OPHN1: variants seen among roughly 807,000 people sequenced by gnomAD.
The protein encoded by OPHN1 is oligophrenin-1.
Under a neutral mutation model 60.7 loss-of-function variants are expected in OPHN1, and 11 were observed. That is an observed-to-expected ratio of 0.18 (90% CI 0.11 to 0.30). The LOEUF is 0.30. OPHN1 is among the 10% of genes least tolerant of loss of function. The pLI, the probability that OPHN1 is intolerant of heterozygous loss-of-function variation, is 1.00. For missense variants in OPHN1, 449 were observed against 611.0 expected (o/e 0.73, Z 2.80); for synonymous variants, 226 against 222.6 (o/e 1.02, Z -0.14).
intron 15 of OPHN1, among the ~76,000 whole-genome samples, chrX:68,145,671 C>T (rs2077260850): frequency 9.0e-6 from 1 of 111,578 alleles, no homozygotes; most frequent in African/African-American, 3.3e-5. Flanking sequence ...CAGAGACAAC[C>T]ACTATCATAA....
chrX:68,225,855 A>AAG (rs1305374394), intron 6 of OPHN1, among the ~76,000 whole-genome samples: 1 of 112,466 alleles, frequency 8.9e-6, no homozygotes, highest in African/African-American at 3.2e-5. Context: ...CCAGCAATGG[A>AAG]AGAAAGCTGC....
chrX:68,145,650 C>T (rs2077260792), intron 15 of OPHN1, among the ~76,000 whole-genome samples: 1 of 111,780 alleles, frequency 8.9e-6, no homozygotes, highest in South Asian at 3.8e-4. Context: ...GGACCCACAT[C>T]CTTCCCTCTC....
chrX:68,136,597 T>G (rs970580226), intron 15 of OPHN1, among the ~76,000 whole-genome samples: 5 of 111,302 alleles, frequency 4.5e-5, no homozygotes, highest in Admixed American at 2.9e-4. Flanking sequence ...GCCACCGCGC[T>G]TGGCCTAGTG....
chrX:68,256,890 G>T lies in OPHN1; in HGVS notation c.384+17848C>A, dbSNP rs1172838293. On this transcript the variant is annotated intron_variant, in intron 5 of 24. Transcript: ENST00000355520. ...CTACTAAAATTACAAAAATTAGCTG[G>T]GTGTGGTGGCACACTCCTGTAATCC... Among the ~76,000 whole-genome samples, 4 of 109,826 alleles carry T rather than the reference G, an allele frequency of 3.6e-5. No homozygotes were observed. The East Asian group carries it at 8.6e-4, about 24-fold the overall frequency.
chrX:68,061,362 G>A lies in OPHN1; in HGVS notation c.2158+2492C>T, dbSNP rs536915714. 1.6e-4 allele frequency among the ~76,000 whole-genome samples: 18 copies of A among 111,029 alleles called. No homozygotes were observed. In the South Asian group the frequency reaches 6.9e-3, roughly 43 times the overall value. On this transcript the variant is annotated intron_variant, in intron 21 of 24. Transcript: ENST00000355520. ...TTGAACTTTGCAGGAGGGAGGGAAG[G>A]AGGGCTGAGTTACTGTGTGCGCTGA...
At chrX:68,216,141 T>C (rs770766154) in intron 6 of OPHN1, among the ~76,000 whole-genome samples, 1 of 111,287 alleles carries the variant, frequency 9.0e-6, no homozygotes, top group East Asian at 2.8e-4. Flanking sequence ...GTACAACCCA[T>C]AACTACGTTA....
chrX:68,121,522 G>A (rs1411834525), intron 15 of OPHN1, among the ~76,000 whole-genome samples: 1 of 111,005 alleles, frequency 9.0e-6, no homozygotes, highest in Non-Finnish European at 1.9e-5. Context: ...TAGCTAGAGG[G>A]GAATCACACA....
At chrX:68,394,137 C>T (rs952336792) in intron 2 of OPHN1, among the ~76,000 whole-genome samples, 9 of 108,085 alleles carry the variant, frequency 8.3e-5, no homozygotes, top group East Asian at 2.9e-4. Flanking sequence ...CCTCGTGATC[C>T]GCCCGCCTCG....
chrX:68,128,197 G>A (rs1005696007), intron 15 of OPHN1, among the ~76,000 whole-genome samples: 3 of 109,569 alleles, frequency 2.7e-5, no homozygotes, highest in East Asian at 2.9e-4. Context: ...CTATAGGCCC[G>A]CACCACCATG....
chrX:68,349,314 T>C (rs2078394681), intron 2 of OPHN1, among the ~76,000 whole-genome samples: 1 of 111,862 alleles, frequency 8.9e-6, no homozygotes, highest in South Asian at 3.7e-4. Flanking sequence ...AAAATGCTCA[T>C]CATCACTGGT....
At chrX:68,393,982 G>A (rs2078669500) in intron 2 of OPHN1, among the ~76,000 whole-genome samples, 1 of 86,585 alleles carries the variant, frequency 1.2e-5, no homozygotes, top group African/African-American at 4.4e-5. Context: ...TGCAAGCTCC[G>A]CCTCCCGGGT....
intron 15 of OPHN1, among the ~76,000 whole-genome samples, chrX:68,138,483 G>A (rs2077230012): frequency 9.0e-6 from 1 of 111,454 alleles, no homozygotes; most frequent in Admixed American, 9.5e-5. Context: ...TGACTATATG[G>A]GCTGCTACAT....
chrX:68,431,158 T>C (rs1219764379), intron 2 of OPHN1, among the ~76,000 whole-genome samples: 2 of 112,160 alleles, frequency 1.8e-5, no homozygotes, highest in Non-Finnish European at 3.8e-5. Flanking sequence ...TCTACTTATG[T>C]AGCACAACCT....
At chrX:68,205,447 G>A (rs749857770) in intron 10 of OPHN1, among the ~76,000 whole-genome samples, 1 of 104,297 alleles carries the variant, frequency 9.6e-6, no homozygotes, top group African/African-American at 4.1e-5. Flanking sequence ...AAGCTCCATC[G>A]CAAATAATAA....
At chrX:68,071,450 C>T in intron 20 of OPHN1, 2 of 911,369 alleles carry the variant, frequency 2.2e-6, no homozygotes, top group South Asian at 2.0e-5. Context: ...TTGGCACAGG[C>T]TTTCTCCACT....
chrX:68,130,651 C>T (rs1188867157), intron 15 of OPHN1, among the ~76,000 whole-genome samples: 1 of 110,857 alleles, frequency 9.0e-6, no homozygotes, highest in Non-Finnish European at 1.9e-5. Context: ...CTCCACAAAA[C>T]AATATAGAGC....
chrX:68,048,455 G>T lies in OPHN1; in HGVS notation c.2378C>A (p.Ser793Tyr), dbSNP rs1246654442. ...TTCATCTCCAGGAAGTCTGCCTTGA[G>T]AACTGTGGATAAAGAAAGACGTTTC... is the stretch of plus-strand genomic sequence containing the variant. Reference protein sequence around the residue: ...FETASRKTGSSQGRLPGDES With the variant: ...FETASRKTGSYQGRLPGDES Residue 793 changes from serine to tyrosine, a missense_variant and splice_region_variant, in exon 24 of 25, where the codon TCT (serine) becomes TAT (tyrosine). By Grantham distance (144) the Ser-to-Tyr change is moderately radical. Around this residue, in one of 4 missense-constraint regions of OPHN1, gnomAD observed 184 missense variants for 160.5 expected, o/e 1.15. Coordinates refer to ENST00000355520, the MANE Select transcript of OPHN1 (RefSeq NM_002547.3). 8.3e-7 allele frequency: 1 copy of T among 1,207,258 alleles called. No homozygotes were observed. The highest frequency in any genetic ancestry group is 1.1e-6 in the Non-Finnish European group (1 of 892,906).
intron 5 of OPHN1, among the ~76,000 whole-genome samples, chrX:68,239,903 G>T (rs754180755): frequency 9.2e-6 from 1 of 109,251 alleles, no homozygotes; most frequent in African/African-American, 3.3e-5. Flanking sequence ...TCTGCCTCCC[G>T]GGTTCAAGCA....
At chrX:68,399,599 T>C (rs1569303135) in intron 2 of OPHN1, among the ~76,000 whole-genome samples, 1 of 110,570 alleles carries the variant, frequency 9.0e-6, no homozygotes, top group African/African-American at 3.3e-5. Context: ...ACCCAGGAGG[T>C]AGAGGTTGCA....
Sources: allele counts gnomAD v4.1 joint callset (sites outside exome capture counted in the v4.1 genomes callset), GRCh38; gene constraint gnomAD v4.1.1; regional missense constraint gnomAD v4.1.1; transcripts MANE v1.5; gene names NCBI Gene and HGNC (gene_info 2026-07-23, HGNC 2026-07-21).